The following MAGI2 variants were observed in gnomAD, a reference collection of about 807,000 sequenced individuals.
The protein encoded by MAGI2 is membrane associated guanylate kinase, WW and PDZ domain containing 2.
A neutral mutation model predicts 133.3 loss-of-function variants in MAGI2; 35 were observed. The observed-to-expected ratio is 0.26, with a 90% CI of 0.20 to 0.35. The LOEUF is 0.35. Among genes scored for constraint, MAGI2 ranks in the 10% least tolerant of loss-of-function variants. The probability of loss-of-function intolerance (pLI) is 1.00; values close to 1 mark genes in which losing one functional copy is unlikely to be tolerated. For missense variants in MAGI2, 1,636 were observed against 1,863.4 expected (o/e 0.88, Z 2.25); for synonymous variants, 729 against 710.6 (o/e 1.03, Z -0.41).
chr7:78,073,023 C>A, intron 21 of MAGI2: 1 of 398,466 alleles, frequency 2.5e-6, no homozygotes, highest in Admixed American at 4.4e-5. Flanking sequence ...ACATAGAGGC[C>A]AGTACTGCTT....
intron 2 of MAGI2, among the ~76,000 whole-genome samples, chr7:78,653,760 G>C (rs186353763): frequency 1.1e-4 from 14 of 127,676 alleles, no homozygotes; most frequent in Middle Eastern, 8.1e-3. Context: ...CTGTATCTCA[G>C]AACTTGAAGT....
chr7:78,457,524 GTAATA>G (rs1238894971), intron 6 of MAGI2, among the ~76,000 whole-genome samples: 2 of 152,032 alleles, frequency 1.3e-5, no homozygotes, highest in Non-Finnish European at 2.9e-5. Flanking sequence ...TGAGGATTTT[GTAATA>G]TAATATATCT....
At chr7:79,383,069 T>C (rs934554515) in intron 1 of MAGI2, among the ~76,000 whole-genome samples, 5 of 151,710 alleles carry the variant, frequency 3.3e-5, no homozygotes, top group African/African-American at 1.2e-4. Context: ...TTTGTTTTTC[T>C]ACATTTAAAT....
At chr7:78,639,157 G>T (rs192632649) in intron 2 of MAGI2, among the ~76,000 whole-genome samples, 7 of 152,220 alleles carry the variant, frequency 4.6e-5, no homozygotes, top group Admixed American at 2.0e-4. Flanking sequence ...TTAACTTTTA[G>T]TATCACCATT....
chr7:79,264,131 C>A lies in MAGI2; in HGVS notation c.301+188889G>T, dbSNP rs182035289. Among the ~76,000 whole-genome samples, 291 of 152,216 alleles carry A rather than the reference C, an allele frequency of 1.9e-3. 2 individuals carry two copies. The highest frequency in any genetic ancestry group is 1.6e-3 in the Admixed American group (25 of 15,262). ...TACTTAGTCTGGAAAATCCAGTGTG[C>A]ATTTTATACCTACAGAACATCTCAG... On this transcript the variant is annotated intron_variant, in intron 1 of 21. Transcript: ENST00000354212.
At chr7:78,953,412 A>G (rs1802030681) in intron 2 of MAGI2, among the ~76,000 whole-genome samples, 1 of 152,144 alleles carries the variant, frequency 6.6e-6, no homozygotes, top group Non-Finnish European at 1.5e-5. Flanking sequence ...TGATGGAAAT[A>G]AAGTTTCTGT....
intron 9 of MAGI2, among the ~76,000 whole-genome samples, chr7:78,280,229 G>A (rs1178795080): frequency 6.6e-6 from 1 of 152,138 alleles, no homozygotes; most frequent in Non-Finnish European, 1.5e-5. Context: ...GGAAAAGGAA[G>A]TCACTTGTTT....
At chr7:78,041,935 C>T (rs1356499236) in intron 21 of MAGI2, among the ~76,000 whole-genome samples, 1 of 152,118 alleles carries the variant, frequency 6.6e-6, no homozygotes, top group African/African-American at 2.4e-5. Flanking sequence ...AGCTGGGACC[C>T]CCCACAACCC....
rs1800887076 is a variant in MAGI2 at position 78,565,822 on chromosome 7, AT to A, written c.539-44178del. ...AAGAAAAATGGAAAATGACACATTTATTTCTTCATGCAGTCAAATAGCATTT... is the reference window on the plus strand; with the variant it reads ...AAGAAAAATGGAAAATGACACATTTATTCTTCATGCAGTCAAATAGCATTT... On this transcript the variant is annotated intron_variant, in intron 3 of 21. Transcript: ENST00000354212. 2.0e-5 allele frequency among the ~76,000 whole-genome samples: 3 copies of A among 152,262 alleles called. No homozygotes were observed. In the South Asian group the frequency reaches 6.2e-4, roughly 32 times the overall value.
At chr7:78,472,875 T>C (rs1791364377) in intron 6 of MAGI2, among the ~76,000 whole-genome samples, 1 of 152,104 alleles carries the variant, frequency 6.6e-6, no homozygotes, top group Admixed American at 6.6e-5. Context: ...TTCTAGGGAC[T>C]CCTGATGGTT....
At chr7:78,381,191 A>G (rs1794890850) in intron 6 of MAGI2, among the ~76,000 whole-genome samples, 1 of 152,156 alleles carries the variant, frequency 6.6e-6, no homozygotes, top group Non-Finnish European at 1.5e-5. Context: ...TACTAAAAAT[A>G]CAAAAATTAG....
intron 3 of MAGI2, among the ~76,000 whole-genome samples, chr7:78,624,503 G>A (rs768138079): frequency 5.3e-5 from 8 of 152,126 alleles, no homozygotes; most frequent in Non-Finnish European, 1.0e-4. Flanking sequence ...GCAGGGACAT[G>A]GATGGAGTCG....
intron 3 of MAGI2, among the ~76,000 whole-genome samples, chr7:78,625,064 C>G (rs1808197176): frequency 6.6e-6 from 1 of 152,050 alleles, no homozygotes; most frequent in South Asian, 2.1e-4. Flanking sequence ...AGGTGGAAGA[C>G]AGTGATACTG....
intron 2 of MAGI2, among the ~76,000 whole-genome samples, chr7:78,676,836 A>C (rs1181296036): frequency 6.6e-6 from 1 of 152,110 alleles, no homozygotes; most frequent in Non-Finnish European, 1.5e-5. Flanking sequence ...ACCGTAAATA[A>C]TGAGTATGTA....
intron 2 of MAGI2, among the ~76,000 whole-genome samples, chr7:79,003,222 G>T (rs1055725960): frequency 6.6e-6 from 1 of 152,082 alleles, no homozygotes; most frequent in South Asian, 2.1e-4. Flanking sequence ...GGTCTTTGGA[G>T]CCCTAGCTCT....
intron 21 of MAGI2, among the ~76,000 whole-genome samples, chr7:78,040,425 C>T (rs1172339179): frequency 6.6e-6 from 1 of 152,212 alleles, no homozygotes; most frequent in Non-Finnish European, 1.5e-5. Flanking sequence ...GGGTTCCCTT[C>T]TCGCCGCGTT....
At chr7:78,762,788 T>C (rs1824642218) in intron 2 of MAGI2, among the ~76,000 whole-genome samples, 1 of 152,238 alleles carries the variant, frequency 6.6e-6, no homozygotes, top group African/African-American at 2.4e-5. Context: ...CTAGGATTAC[T>C]ATCCAGGCAG....
chr7:78,293,005 A>G (rs1010755994), intron 9 of MAGI2, among the ~76,000 whole-genome samples: 1 of 152,230 alleles, frequency 6.6e-6, no homozygotes, highest in Admixed American at 6.5e-5. Context: ...AGGCAATACC[A>G]TTCAGGACAT....
At chr7:78,921,973 C>T (rs754552143) in intron 2 of MAGI2, among the ~76,000 whole-genome samples, 22 of 151,966 alleles carry the variant, frequency 1.4e-4, no homozygotes, top group Non-Finnish European at 2.2e-4. Flanking sequence ...CCAGAGCCAT[C>T]ACCTTTAACT....
Sources: gnomAD v4.1 joint callset for allele counts (sites outside exome capture counted in the v4.1 genomes callset) on GRCh38, gnomAD v4.1.1 for gene constraint, MANE v1.5 for transcripts, NCBI Gene and HGNC (gene_info 2026-07-23, HGNC 2026-07-21) for gene names.